PCDH7: variants seen among roughly 807,000 people sequenced by gnomAD.
PCDH7 encodes protocadherin 7.
Under a neutral mutation model 58.9 loss-of-function variants are expected in PCDH7, and 17 were observed. The observed-to-expected ratio is 0.29, with a 90% CI of 0.20 to 0.43. PCDH7 has a LOEUF of 0.43. PCDH7 is among the 20% of genes least tolerant of loss of function. The probability of loss-of-function intolerance (pLI) is 1.00; values close to 1 mark genes in which losing one functional copy is unlikely to be tolerated. For missense variants in PCDH7, 1,274 were observed against 1,441.0 expected, an observed-to-expected ratio of 0.88 and a Z score of 1.88; for synonymous variants, 664 against 616.4, an observed-to-expected ratio of 1.08 and a Z score of -1.14.
intron 3 of PCDH7, among the ~76,000 whole-genome samples, chr4:31,005,593 A>G (rs1752704699): frequency 6.6e-6 from 1 of 152,226 alleles, no homozygotes; most frequent in Admixed American, 6.5e-5. Flanking sequence ...TTTCAAAACC[A>G]TATAACACTT....
At chr4:30,736,834 C>A (rs1478654253), downstream of PCDH7, among the ~76,000 whole-genome samples, 1 of 152,094 alleles carries the variant, frequency 6.6e-6, no homozygotes, top group African/African-American at 2.4e-5. Context: ...CCGCGCCCGG[C>A]CACAAATGTC....
chr4:31,136,303 G>A (rs531080309), intron 3 of PCDH7, among the ~76,000 whole-genome samples: 2 of 152,316 alleles, frequency 1.3e-5, no homozygotes, highest in African/African-American at 4.8e-5. Flanking sequence ...ATAAATGGGG[G>A]AGTAGGTATT....
chr4:31,058,603 A>T (rs1339330374), intron 3 of PCDH7, among the ~76,000 whole-genome samples: 1 of 152,026 alleles, frequency 6.6e-6, no homozygotes. Flanking sequence ...GAGGACAATA[A>T]ATATAATTTG....
Position 30,922,263 on chromosome 4 carries a change from TA to T in PCDH7, c.287+1895del, listed in dbSNP as rs562902314. On this transcript the variant is annotated intron_variant, in intron 2 of 3. Coordinates refer to the PCDH7 transcript ENST00000509759. ...CTAGGAAGGCAGGATTAATTTAATT[TA>T]GGGGTATTACTACATCTGAGATTAC... 3.6e-3 allele frequency among the ~76,000 whole-genome samples: 542 copies of T among 152,024 alleles called. 2 individuals are homozygous for T. The highest frequency in any genetic ancestry group is 0.012 in the African/African-American group (519 of 41,536).
intron 3 of PCDH7, among the ~76,000 whole-genome samples, chr4:31,113,800 T>A (rs1716636899): frequency 6.6e-6 from 1 of 151,708 alleles, no homozygotes; most frequent in African/African-American, 2.4e-5. Flanking sequence ...TTAATTTAGT[T>A]ATAGTTTTTG....
intron 1 of PCDH7, among the ~76,000 whole-genome samples, chr4:30,865,299 G>A (rs895206560): frequency 6.6e-6 from 1 of 152,024 alleles, no homozygotes; most frequent in Non-Finnish European, 1.5e-5. Flanking sequence ...ATGCTTAAGA[G>A]GAATTACATT....
At chr4:30,792,285 T>C (rs1724216115) in intron 1 of PCDH7, among the ~76,000 whole-genome samples, 1 of 152,184 alleles carries the variant, frequency 6.6e-6, no homozygotes, top group Non-Finnish European at 1.5e-5. Context: ...GACTGGAAAA[T>C]GTTGCTCTCA....
intron 1 of PCDH7, among the ~76,000 whole-genome samples, chr4:30,833,594 T>C (rs1268164397): frequency 6.6e-6 from 1 of 152,176 alleles, no homozygotes; most frequent in Non-Finnish European, 1.5e-5. Flanking sequence ...CATAACATAG[T>C]ATATTCATAG....
At chr4:30,746,819 A>G (rs956506554) in intron 1 of PCDH7, among the ~76,000 whole-genome samples, 16 of 152,150 alleles carry the variant, frequency 1.1e-4, no homozygotes, top group African/African-American at 3.6e-4. Flanking sequence ...TTCCTTTTCA[A>G]TCATTTCACT....
chr4:30,991,990 T>C (rs2109125008), intron 3 of PCDH7, among the ~76,000 whole-genome samples: 1 of 152,238 alleles, frequency 6.6e-6, no homozygotes, highest in Middle Eastern at 3.4e-3. Flanking sequence ...GCCATGTCTT[T>C]GAAATCAAAC....
intron 3 of PCDH7, among the ~76,000 whole-genome samples, chr4:31,113,108 C>A (rs1386833681): frequency 6.6e-6 from 1 of 152,004 alleles, no homozygotes; most frequent in African/African-American, 2.4e-5. Context: ...AATTGACCTT[C>A]TTTTGTCTGT....
At chr4:30,845,068 A>G (rs1731736933) in intron 1 of PCDH7, among the ~76,000 whole-genome samples, 1 of 152,166 alleles carries the variant, frequency 6.6e-6, no homozygotes, top group Admixed American at 6.6e-5. Flanking sequence ...TTATCAGTGA[A>G]GTTATTCTAA....
intron 3 of PCDH7, among the ~76,000 whole-genome samples, chr4:31,037,381 A>G (rs748749161): frequency 6.6e-6 from 1 of 152,188 alleles, no homozygotes. Flanking sequence ...ACTTGCTAAT[A>G]TTGCCATTAT....
intron 1 of PCDH7, among the ~76,000 whole-genome samples, chr4:30,729,422 C>T (rs1715149894): frequency 6.6e-6 from 1 of 151,876 alleles, no homozygotes; most frequent in South Asian, 2.1e-4. Flanking sequence ...TCAAAATTTA[C>T]AGAATTTTAA....
intron 3 of PCDH7, among the ~76,000 whole-genome samples, chr4:31,033,285 G>T (rs1486491755): frequency 2.0e-5 from 3 of 152,170 alleles, no homozygotes; most frequent in African/African-American, 7.2e-5. Flanking sequence ...CAAACTATGT[G>T]CAGCAGCCTA....
At position 30,793,780 on chromosome 4, in the gene PCDH7, T is replaced by C. The variant is rs898977691; in HGVS notation, c.70+69184T>C. 4.6e-5 allele frequency: 7 copies of C among 152,162 alleles called. 1 individual carries two copies. The highest frequency in any genetic ancestry group is 5.9e-5 in the Non-Finnish European group (4 of 68,016). 9.4% of individuals were successfully genotyped at this position (152,162 alleles called of 1,614,324 possible). On this transcript the variant is annotated intron_variant, in intron 1 of 3. Coordinates refer to the PCDH7 transcript ENST00000509759. ...ATTTTTAATTCCAAATGACCACAAA[T>C]CAATGCCCAAAGGATTCACTTGGAT...
chr4:31,084,191 C>A (rs1712002070), intron 3 of PCDH7, among the ~76,000 whole-genome samples: 1 of 144,534 alleles, frequency 6.9e-6, no homozygotes, highest in African/African-American at 2.9e-5. Flanking sequence ...TAAATCTGAG[C>A]TGACTATTTT....
intron 3 of PCDH7, among the ~76,000 whole-genome samples, chr4:31,043,980 T>C (rs530144102): frequency 1.9e-4 from 29 of 152,250 alleles, no homozygotes; most frequent in African/African-American, 6.0e-4. Flanking sequence ...CTGGAAGTAG[T>C]TTACCTTTCT....
chr4:30,927,968 T>C (rs1348691334), intron 2 of PCDH7, among the ~76,000 whole-genome samples: 1 of 152,198 alleles, frequency 6.6e-6, no homozygotes, highest in Non-Finnish European at 1.5e-5. Context: ...TTAAGTTTAG[T>C]AGTCTTTTTT....
Sources: gnomAD v4.1 joint callset for allele counts (sites outside exome capture counted in the v4.1 genomes callset) on GRCh38, gnomAD v4.1.1 for gene constraint, MANE v1.5 for transcripts, NCBI Gene and HGNC (gene_info 2026-07-23, HGNC 2026-07-21) for gene names.